NFIB: variants seen among roughly 807,000 people sequenced by gnomAD.
NFIB encodes the protein nuclear factor I B.
NFIB carries 11 observed loss-of-function variants against 61.5 expected under a neutral mutation model. The ratio of observed to expected loss-of-function variants is 0.18; its 90% CI spans 0.11 to 0.30. The LOEUF is 0.30. NFIB is among the 10% of genes least tolerant of loss of function. The probability of loss-of-function intolerance (pLI) is 1.00; values close to 1 mark genes in which losing one functional copy is unlikely to be tolerated. For synonymous variants in NFIB, 260 were observed against 216.5 expected (o/e 1.20, Z -1.76); for missense variants, 471 against 608.9 (o/e 0.77, Z 2.38).
intron 1 of NFIB, among the ~76,000 whole-genome samples, chr9:14,377,773 T>A (rs1210768467): frequency 6.6e-6 from 1 of 152,206 alleles, no homozygotes; most frequent in Admixed American, 6.5e-5. Flanking sequence ...TAGACTGGGT[T>A]ATAGATATCC....
chr9:14,521,779 C>T, the NFIB span, among the ~76,000 whole-genome samples: 5 of 152,150 alleles, frequency 3.3e-5, no homozygotes, highest in African/African-American at 1.2e-4. Context: ...CTAAATGATG[C>T]CTGTTTGCCC....
At chr9:14,266,135 C>A (rs2057182104) in intron 2 of NFIB, among the ~76,000 whole-genome samples, 1 of 152,168 alleles carries the variant, frequency 6.6e-6, no homozygotes, top group Non-Finnish European at 1.5e-5. Flanking sequence ...CCCTCAGATT[C>A]CCTCAAGAAG....
At chr9:14,368,827 G>C (rs774457716) in intron 1 of NFIB, among the ~76,000 whole-genome samples, 2 of 152,202 alleles carry the variant, frequency 1.3e-5, no homozygotes, top group Non-Finnish European at 2.9e-5. Context: ...ATGTAGTATA[G>C]CATTTTGGGA....
At chr9:14,398,170 G>A (rs1001525847) in intron 1 of NFIB, among the ~76,000 whole-genome samples, 1 of 152,020 alleles carries the variant, frequency 6.6e-6, no homozygotes, top group African/African-American at 2.4e-5. Context: ...TCTTCATTTC[G>A]TGGATTATTT....
At chr9:14,131,512 C>T (rs1357511430) in intron 6 of NFIB, among the ~76,000 whole-genome samples, 3 of 152,166 alleles carry the variant, frequency 2.0e-5, no homozygotes, top group African/African-American at 7.2e-5. Flanking sequence ...GGAAGAGAGT[C>T]GCTGTGAAAC....
At chr9:14,418,494 G>A in the NFIB span, among the ~76,000 whole-genome samples, 1 of 152,144 alleles carries the variant, frequency 6.6e-6, no homozygotes, top group Non-Finnish European at 1.5e-5. Context: ...CTGCTGCTTA[G>A]AACCAGGGTG....
chr9:14,482,495 A>C, the NFIB span, among the ~76,000 whole-genome samples: 7 of 152,316 alleles, frequency 4.6e-5, no homozygotes, highest in South Asian at 1.4e-3. Context: ...AGGAGTGAAC[A>C]GTTTAGACAT....
chr9:14,254,758 A>G (rs945671159), intron 2 of NFIB, among the ~76,000 whole-genome samples: 2 of 152,168 alleles, frequency 1.3e-5, no homozygotes, highest in Admixed American at 6.5e-5. Flanking sequence ...CTTTATTTGA[A>G]TAAGACTTCT....
chr9:14,473,612 A>G, the NFIB span, among the ~76,000 whole-genome samples: 1 of 152,252 alleles, frequency 6.6e-6, no homozygotes, highest in Middle Eastern at 3.4e-3. Flanking sequence ...TCCCATTTCA[A>G]TCAGGCTATA....
At chr9:14,417,735 G>A in the NFIB span, among the ~76,000 whole-genome samples, 2 of 146,784 alleles carry the variant, frequency 1.4e-5, 1 homozygote, top group Non-Finnish European at 3.0e-5. Flanking sequence ...AGTTCTAGGT[G>A]TCATAAATTA....
chr9:14,411,081 T>A, the NFIB span, among the ~76,000 whole-genome samples: 4 of 152,208 alleles, frequency 2.6e-5, no homozygotes. Context: ...CTTGTAAATG[T>A]GTTTCCATTT....
the NFIB span, among the ~76,000 whole-genome samples, chr9:14,422,371 G>T: frequency 6.6e-6 from 1 of 152,110 alleles, no homozygotes; most frequent in Admixed American, 6.6e-5. Flanking sequence ...AATGTCCCTG[G>T]AGTCCATGTT....
chr9:14,321,779 T>C (rs1219513366), intron 1 of NFIB, among the ~76,000 whole-genome samples: 2 of 152,138 alleles, frequency 1.3e-5, no homozygotes, highest in Admixed American at 1.3e-4. Flanking sequence ...AATGCAGCAC[T>C]ATAGCCCACA....
chr9:14,482,536 G>A, the NFIB span, among the ~76,000 whole-genome samples: 3 of 152,192 alleles, frequency 2.0e-5, no homozygotes, highest in Admixed American at 6.5e-5. Flanking sequence ...CACATAGAAC[G>A]TAAGTAAAGA....
the NFIB span, among the ~76,000 whole-genome samples, chr9:14,465,779 C>G: frequency 1.3e-5 from 2 of 152,040 alleles, no homozygotes; most frequent in Admixed American, 1.3e-4. Context: ...CATTTGGGGC[C>G]GAGACAATTC....
Position 14,382,142 on chromosome 9 carries a change from C to G in NFIB, c.108+16382G>C, listed in dbSNP as rs537547468. On this transcript the variant is annotated intron_variant, in intron 1 of 8. Transcript: ENST00000380934. ...AAGGCAACTGGCCTCTAGTAGGTAC[C>G]CAGTCACTACTAGCTGAATTGTTGA... Among the ~76,000 whole-genome samples, 6 of 152,270 alleles carry G rather than the reference C, an allele frequency of 3.9e-5. No homozygotes were observed. In the East Asian group the frequency reaches 1.2e-3, roughly 29 times the overall value.
chr9:14,315,264 C>T (rs1479231197), upstream of NFIB, among the ~76,000 whole-genome samples: 1 of 151,472 alleles, frequency 6.6e-6, no homozygotes, highest in South Asian at 2.1e-4. Flanking sequence ...CCGAGGCAGT[C>T]GCGGCGCGCG....
intron 2 of NFIB, among the ~76,000 whole-genome samples, chr9:14,200,260 G>A (rs534176563): frequency 4.6e-4 from 70 of 152,248 alleles, no homozygotes; most frequent in African/African-American, 1.6e-3. Flanking sequence ...TTTCCTCTCA[G>A]AACTGGTAGA....
In NFIB at chr9:14,088,265, C is replaced by A. The variant is rs867633011; in HGVS notation, c.*44G>T. 1 of 1,593,402 alleles carries A rather than the reference C, an allele frequency of 6.3e-7. No homozygotes were observed. The highest frequency in any genetic ancestry group is 8.6e-7 in the Non-Finnish European group (1 of 1,168,032). On this transcript the variant is annotated 3_prime_UTR_variant, in exon 11 of 11. Transcript: ENST00000380953. ...TTCAAACCGTAATTTTGGACATTGG[C>A]CGGTAAGATGGGTGTCCTATTTGAC...
Sources: gnomAD v4.1 joint callset for allele counts (sites outside exome capture counted in the v4.1 genomes callset) on GRCh38, gnomAD v4.1.1 for gene constraint, MANE v1.5 for transcripts, NCBI Gene and HGNC (gene_info 2026-07-23, HGNC 2026-07-21) for gene names.